The following DNAH8 variants were observed in gnomAD, a reference collection of about 807,000 sequenced individuals.
DNAH8 encodes dynein axonemal heavy chain 8.
DNAH8 carries 382 observed loss-of-function variants against 562.1 expected under a neutral mutation model. The ratio of observed to expected loss-of-function variants is 0.68; its 90% CI spans 0.63 to 0.74. The LOEUF is 0.74. Among genes scored for constraint, DNAH8 ranks in the 30% least tolerant of loss-of-function variants. DNAH8 has a pLI of 0.00. For missense variants in DNAH8, 5,203 were observed against 5,620.4 expected (o/e 0.93, Z 2.37); for synonymous variants, 1,881 against 1,919.4 (o/e 0.98, Z 0.52).
intron 91 of DNAH8, among the ~76,000 whole-genome samples, chr6:39,022,504 G>A (rs1001888317): frequency 2.0e-5 from 3 of 152,148 alleles, no homozygotes; most frequent in African/African-American, 7.2e-5. Flanking sequence ...CTGCAGGCAG[G>A]AGGCAACACC....
chr6:38,923,607 CAAAAAAATAAAAATAAAAATAAAAAAAT>C, intron 72 of DNAH8: 1 of 160,662 alleles, frequency 6.2e-6, no homozygotes, highest in East Asian at 1.6e-4. Context: ...AAGAAAATGG[CAAAAAAATAAAAATAAAAATAAAAAAAT>C]AAAAAAATAA....
chr6:38,754,006 C>G (rs1052513289), intron 9 of DNAH8, among the ~76,000 whole-genome samples: 5 of 152,110 alleles, frequency 3.3e-5, no homozygotes, highest in Non-Finnish European at 5.9e-5. Context: ...CCAGCAATTG[C>G]TGTTTAGTTT....
At position 38,867,067 on chromosome 6, in the gene DNAH8, A is replaced by T. The variant is rs1490909444; in HGVS notation, c.6693+191A>T. On this transcript the variant is annotated intron_variant, in intron 47 of 92. Transcript: ENST00000327475. ...TATTTTGAAATAATTGTAGATTCAC[A>T]GGAAGTTGCAAAGGAATGTACAGGG... 2.0e-5 allele frequency among the ~76,000 whole-genome samples: 3 copies of T among 152,220 alleles called. No individual in the cohort carries two copies. In the East Asian group the frequency reaches 5.8e-4, roughly 29 times the overall value.
chr6:38,917,951 G>A lies in DNAH8; in HGVS notation c.10335G>A (p.Trp3445Ter), dbSNP rs1437893220. The A allele has an allele frequency of 6.8e-6, 11 of 1,612,992 alleles. 1 individual carries two copies. The East Asian group carries it at 2.2e-4, about 33-fold the overall frequency. The part of the protein sequence containing the change: ...LKLMSATGFL[W>*]SLQQFPKDTI... Reference sequence around the variant, plus strand: ...TGATGAGTGCAACAGGATTCCTGTGGAGCCTTCAGCAGTTCCCTAAGGACA... The same window carrying A: ...TGATGAGTGCAACAGGATTCCTGTGAAGCCTTCAGCAGTTCCCTAAGGACA... Residue 3445 changes from tryptophan to a stop codon, truncating the protein, a stop_gained, in exon 70 of 93, where the codon TGG (tryptophan) becomes TGA (stop). Coordinates refer to ENST00000327475, the MANE Select transcript of DNAH8 (RefSeq NM_001206927.2). LOFTEE classifies it high-confidence loss of function.
At position 38,860,446 on chromosome 6, in the gene DNAH8, A is replaced by C; in HGVS notation, c.5959-11A>C. 1 of 1,387,428 alleles carries C rather than the reference A, an allele frequency of 7.2e-7. No homozygotes were observed. Among genetic ancestry groups the C allele is most frequent in the Non-Finnish European group, 9.5e-7 (1 of 1,057,890 alleles). The allele number at this position is 1,387,428 out of a possible 1,614,324, so 85.9% of individuals were successfully genotyped here. A position where few individuals can be genotyped will look rare whatever the true frequency, so the allele number is the denominator to read the frequency against. ...TCAGTATATAATTTTTTTGTATTTT[A>C]TGTTTTTAAGGTAAAAATGCATATC... On this transcript the variant is annotated splice_polypyrimidine_tract_variant and intron_variant, in intron 42 of 92. Coordinates refer to ENST00000327475, the MANE Select transcript of DNAH8 (RefSeq NM_001206927.2).
intron 21 of DNAH8, among the ~76,000 whole-genome samples, chr6:38,796,394 T>C (rs952724619): frequency 6.6e-6 from 1 of 152,106 alleles, no homozygotes; most frequent in African/African-American, 2.4e-5. Context: ...GTTATATCTC[T>C]GTGTGCCGTC....
chr6:38,783,872 G>T (rs866804488), intron 17 of DNAH8, among the ~76,000 whole-genome samples: 2 of 152,020 alleles, frequency 1.3e-5, no homozygotes, highest in Admixed American at 6.5e-5. Flanking sequence ...TGGTAGAAAG[G>T]TTTCTCCCTC....
chr6:38,756,696 G>C (rs1751049540), intron 10 of DNAH8, among the ~76,000 whole-genome samples: 1 of 132,124 alleles, frequency 7.6e-6, no homozygotes, highest in Non-Finnish European at 1.6e-5. Context: ...ACAGGCCCCA[G>C]TGTGTGATGT....
chr6:38,781,474 C>T (rs901273144), intron 16 of DNAH8, 101 bp downstream of exon 16: 49 of 1,330,064 alleles, frequency 3.7e-5, no homozygotes, highest in Admixed American at 1.0e-4. Context: ...TAGCCAACAA[C>T]GAGCCAATTC....
chr6:38,729,125 C>T (rs533489026), intron 3 of DNAH8, among the ~76,000 whole-genome samples: 87 of 152,158 alleles, frequency 5.7e-4, no homozygotes, highest in African/African-American at 1.9e-3. Flanking sequence ...ATCTCTTGAA[C>T]CTGGGAGGTA....
intron 38 of DNAH8, 57 bp from the exon 39 acceptor site, chr6:38,851,515 A>G: frequency 3.8e-6 from 4 of 1,048,462 alleles, no homozygotes; most frequent in Non-Finnish European, 5.7e-6. Context: ...GACTAAAAAA[A>G]TAATAATTTA....
At position 38,938,240 on chromosome 6, in the gene DNAH8, A is replaced by G. The variant is rs1413388481; in HGVS notation, c.11816+14A>G. 6.3e-7 allele frequency: 1 copy of G among 1,590,564 alleles called. No individual in the cohort carries two copies. The highest frequency in any genetic ancestry group is 8.6e-7 in the Non-Finnish European group (1 of 1,167,190). On this transcript the variant is annotated intron_variant, in intron 78 of 92. Transcript: ENST00000327475. ...GTCCATGGCCAGGTGAGTCCTCACT[A>G]CCTTCATCCAAAAGTGGTGACTTAA...
chr6:38,914,390 C>CT (rs1781135699), intron 67 of DNAH8, among the ~76,000 whole-genome samples: 2 of 90,266 alleles, frequency 2.2e-5, no homozygotes, highest in African/African-American at 8.2e-5. Flanking sequence ...GCTGCTTTTT[C>CT]TCTTTTTTTT....
At chr6:38,805,111 TAG>T (rs1228258102) in intron 22 of DNAH8, among the ~76,000 whole-genome samples, 1 of 152,166 alleles carries the variant, frequency 6.6e-6, no homozygotes, top group Admixed American at 6.5e-5. Flanking sequence ...TTTTTCCACT[TAG>T]TTTAATTAGT....
intron 14 of DNAH8, 78 bp from the exon 15 acceptor site, chr6:38,779,888 A>T: frequency 7.5e-7 from 1 of 1,333,664 alleles, no homozygotes; most frequent in Non-Finnish European, 1.1e-6. Flanking sequence ...AAATGAATGA[A>T]TGGATGGTTA....
In DNAH8 at chr6:38,755,991, T is replaced by C. The variant is rs1386899515; in HGVS notation, c.1427T>C (p.Ile476Thr). The change falls in exon 10 of 93, where the codon ATA becomes ACA. Residue 476 changes from isoleucine to threonine, a missense_variant. Physicochemically the swap from Ile to Thr is moderately conservative, Grantham distance 89. This residue lies in a region of DNAH8 where 2,176 missense variants were observed against 2,365.1 expected (regional missense o/e 0.92). Coordinates refer to ENST00000327475, the MANE Select transcript of DNAH8 (RefSeq NM_001206927.2). ...TGTTAGGTTTCCATGGCACATGGAA[T>C]ACAAAATTTGATTAATGCCATCAGA... ...NHDLVSMAHG[I>T]QNLINAIRMI... 6.2e-7 allele frequency: 1 copy of C among 1,606,308 alleles called. No homozygotes were observed. Among genetic ancestry groups the C allele is most frequent in the Admixed American group, 1.7e-5 (1 of 59,890 alleles).
chr6:38,876,609 G>A (rs542469930), intron 53 of DNAH8, among the ~76,000 whole-genome samples: 33 of 152,248 alleles, frequency 2.2e-4, no homozygotes, highest in South Asian at 4.2e-4. Flanking sequence ...ATTGAGAAGC[G>A]CACGTCACAG....
intron 3 of DNAH8, among the ~76,000 whole-genome samples, chr6:38,729,272 A>G (rs987193044): frequency 3.9e-5 from 6 of 152,200 alleles, no homozygotes; most frequent in Admixed American, 3.3e-4. Flanking sequence ...AGCCTTCTGT[A>G]TGGGAATAAG....
intron 67 of DNAH8, among the ~76,000 whole-genome samples, 196 bp from the exon 68 acceptor site, chr6:38,915,005 T>G (rs879926911): frequency 1.3e-4 from 20 of 152,084 alleles, no homozygotes; most frequent in Admixed American, 7.9e-4. Context: ...AAGAAAAGCT[T>G]AGAAAATGGA....
Sources: allele counts gnomAD v4.1 joint callset (sites outside exome capture counted in the v4.1 genomes callset), GRCh38; gene constraint gnomAD v4.1.1; regional missense constraint gnomAD v4.1.1; transcripts MANE v1.5; gene names NCBI Gene and HGNC (gene_info 2026-07-23, HGNC 2026-07-21).